The following FER1L5 variants were observed in gnomAD, a reference collection of about 807,000 sequenced individuals.
FER1L5 encodes fer-1 like family member 5.
In FER1L5, 187 loss-of-function variants were observed where a neutral mutation model predicts 279.9. The observed-to-expected ratio is 0.67, with a 90% confidence interval of 0.59 to 0.75. The LOEUF is 0.75. FER1L5 is among the 30% of genes least tolerant of loss of function. The pLI is 0.00. For missense variants in FER1L5, 2,091 were observed against 2,594.4 expected (o/e 0.81, Z 4.21); for synonymous variants, 921 against 989.7 (o/e 0.93, Z 1.30).
At chr2:96,687,987 C>T (rs1409769366) in intron 24 of FER1L5, 40 bp downstream of exon 24, 22 of 1,547,530 alleles carry the variant, frequency 1.4e-5, no homozygotes, top group Middle Eastern at 1.7e-4. Flanking sequence ...GGCAGGCACG[C>T]GGGGGTGGGG....
At position 96,699,104 on chromosome 2, in the gene FER1L5, C is replaced by T. The variant is rs1445714056; in HGVS notation, c.4578C>T (p.Tyr1526=). 1.2e-6 allele frequency: 2 copies of T among 1,611,260 alleles called. No homozygotes were observed. The highest frequency in any genetic ancestry group is 1.7e-6 in the Non-Finnish European group (2 of 1,178,872). ...CAGAGCTTGGCAACCGGGACATGTA[C>T]CAGCCCAACACTCTGGATCCCATCT... ...GKTELGNRDM[Y]QPNTLDPIFG... is the part of the protein sequence containing the mutation. The change falls in exon 42 of 53, where the codon TAC becomes TAT. Residue 1526 remains tyrosine (Y), a synonymous_variant. Coordinates refer to ENST00000624922, the MANE Select transcript of FER1L5 (RefSeq NM_001293083.2).
chr2:96,704,117 A>G (rs1244445842), intron 51 of FER1L5, 98 bp from the exon 52 acceptor site: 1 of 1,428,950 alleles, frequency 7.0e-7, no homozygotes, highest in Non-Finnish European at 9.4e-7. Context: ...TGCCTGGCCC[A>G]GTAGTTGCTT....
rs935650227 is a variant in FER1L5 at position 96,700,156 on chromosome 2, T to G, written c.4930+76T>G. 1.9e-6 allele frequency: 3 copies of G among 1,588,144 alleles called. No individual in the cohort carries two copies. In the African/African-American group the frequency reaches 4.1e-5, roughly 21 times the overall value. On this transcript the variant is annotated intron_variant, in intron 44 of 52. Transcript: ENST00000624922. ...CTGTGAGGCTCCAGAATGGAAGAGCTGCAGACTTGGGGGAGAAAGGGGAGG... is the reference window on the plus strand; with the variant it reads ...CTGTGAGGCTCCAGAATGGAAGAGCGGCAGACTTGGGGGAGAAAGGGGAGG...
intron 24 of FER1L5, chr2:96,688,870 T>G: frequency 4.3e-6 from 1 of 231,420 alleles, no homozygotes; most frequent in Non-Finnish European, 8.4e-6. Flanking sequence ...CTCTGGGCCT[T>G]TTCAACCACA....
At chr2:96,670,288 C>G (rs958355881) in intron 18 of FER1L5, 41 bp downstream of exon 18, 2 of 1,547,974 alleles carry the variant, frequency 1.3e-6, no homozygotes, top group Non-Finnish European at 1.7e-6. Context: ...AAACAAGAGC[C>G]CTGTCTGCCC....
rs1222112069 is a variant in FER1L5, at chr2:96,694,088, G to A, written c.3636+16G>A. 1 of 1,534,978 alleles carries A rather than the reference G, an allele frequency of 6.5e-7. No homozygotes were observed. Among genetic ancestry groups the A allele is most frequent in the Non-Finnish European group, 8.7e-7 (1 of 1,145,062 alleles). Reference sequence around the variant, plus strand: ...CCAGACTGAGGTATTGGGAGAGAGGGCCTGGCTGGGAAGTGTGGCACTCAG... The same window carrying A: ...CCAGACTGAGGTATTGGGAGAGAGGACCTGGCTGGGAAGTGTGGCACTCAG... On this transcript the variant is annotated intron_variant, in intron 33 of 52. Transcript: ENST00000624922. This position sits in a 1 kb window ranked among gnomAD's most constrained non-coding sequence, Gnocchi z 4.6.
Position 96,691,313 on chromosome 2 carries a change from A to T in FER1L5, c.2867A>T (p.Glu956Val). ...WARVRFRNHG[E>V]LSHEQETLSF... The stretch of plus-strand genomic sequence containing the variant: ...CGTGTGCGCTTCAGGAACCATGGGG[A>T]GCTGAGCCACGAGCAGGAGACCCTC... Residue 956 changes from glutamate to valine, a missense_variant, in exon 28 of 53, where the codon GAG becomes GTG. Physicochemically the swap from Glu to Val is moderately radical, Grantham distance 121 (BLOSUM62 -2). Transcript: ENST00000624922. The surrounding 1 kb of genome is among the most constrained non-coding windows in gnomAD (Gnocchi z 6.0). 6.4e-7 allele frequency: 1 copy of T among 1,550,408 alleles called. No individual in the cohort carries two copies. Among genetic ancestry groups the T allele is most frequent in the Non-Finnish European group, 8.7e-7 (1 of 1,146,760 alleles).
chr2:96,699,473 G>A, intron 42 of FER1L5, 77 bp from the exon 43 acceptor site: 1 of 1,496,002 alleles, frequency 6.7e-7, no homozygotes, highest in East Asian at 2.3e-5. Flanking sequence ...GGGCCTACGG[G>A]GCCGAGACAC....
intron 14 of FER1L5, among the ~76,000 whole-genome samples, chr2:96,664,436 C>A (rs570122480): frequency 6.6e-6 from 1 of 152,260 alleles, no homozygotes; most frequent in South Asian, 2.1e-4. Context: ...GAAATGGAAT[C>A]GTTCAGTAAG....
intron 39 of FER1L5, 93 bp downstream of exon 39, chr2:96,697,854 G>A (rs2077441282): frequency 2.0e-6 from 3 of 1,505,306 alleles, no homozygotes; most frequent in Non-Finnish European, 2.7e-6. Flanking sequence ...GCCTCAAGTG[G>A]GAAGGTTCCC....
chr2:96,700,083 G>A lies in FER1L5; in HGVS notation c.4930+3G>A, dbSNP rs375110619. The A allele has an allele frequency of 1.6e-5, 26 of 1,613,612 alleles. No homozygotes were observed. Among genetic ancestry groups the A allele is most frequent in the Non-Finnish European group, 2.1e-5 (25 of 1,179,858 alleles). On this transcript the variant is annotated splice_donor_region_variant and intron_variant, in intron 44 of 52. Coordinates refer to ENST00000624922, the MANE Select transcript of FER1L5 (RefSeq NM_001293083.2). ...AAAGTTCAAGCTGCAAAGCTTTGGT[G>A]AGCAGCGCAGAACACTAGCAGAAAG...
rs1368957147 is a variant in FER1L5 at position 96,693,982 on chromosome 2, G to C, written c.3546G>C (p.Leu1182=). The C allele has an allele frequency of 6.4e-7, 1 of 1,551,412 alleles. No homozygotes were observed. The highest frequency in any genetic ancestry group is 1.4e-5 in the African/African-American group (1 of 73,038). ...MVWLDLQDRI[L]PPMRWHPLVK... ...GGCTGGATCTCCAGGACCGGATCCT[G>C]CCCCCCATGAGGTGGCATCCCCTTG... Residue 1182 remains leucine (L), a synonymous_variant, in exon 33 of 53, where the codon CTG becomes CTC. Coordinates refer to ENST00000624922, the MANE Select transcript of FER1L5 (RefSeq NM_001293083.2).
intron 45 of FER1L5, 138 bp downstream of exon 45, chr2:96,700,609 C>G (rs1356675832): frequency 8.6e-7 from 1 of 1,168,696 alleles, no homozygotes; most frequent in Admixed American, 2.3e-5. Context: ...GCACAGAAGA[C>G]AAGCATGCTG....
chr2:96,685,205 A>G, intron 20 of FER1L5, 124 bp from the exon 21 acceptor site: 1 of 763,046 alleles, frequency 1.3e-6, no homozygotes, highest in Admixed American at 2.5e-5. Context: ...TGATATCACC[A>G]GGTTATCCCT....
At chr2:96,672,992 A>T (rs1279693952) in intron 18 of FER1L5, 85 bp from the exon 19 acceptor site, 1 of 1,455,256 alleles carries the variant, frequency 6.9e-7, no homozygotes, top group African/African-American at 1.4e-5. Flanking sequence ...TGAAAGAAAG[A>T]TACCTCATCC....
intron 19 of FER1L5, among the ~76,000 whole-genome samples, chr2:96,680,961 T>C (rs1422902626): frequency 6.6e-6 from 1 of 152,248 alleles, no homozygotes; most frequent in African/African-American, 2.4e-5. Context: ...ACTGCAGCCT[T>C]GAACTCCTGG....
Position 96,695,422 on chromosome 2 carries a change from T to G in FER1L5, c.3742-87T>G, listed in dbSNP as rs995801290. On this transcript the variant is annotated intron_variant, in intron 34 of 52. Coordinates refer to ENST00000624922, the MANE Select transcript of FER1L5 (RefSeq NM_001293083.2). Reference sequence around the variant, plus strand: ...CCTGCAGGCTCCTGCTGCACCGCTATTGCCCCTCAGCCCCCTTCTCTGGCC... The same window carrying G: ...CCTGCAGGCTCCTGCTGCACCGCTAGTGCCCCTCAGCCCCCTTCTCTGGCC... 6.1e-6 allele frequency: 9 copies of G among 1,471,352 alleles called. No homozygotes were observed. The South Asian group carries it at 6.6e-5, about 11-fold the overall frequency. The allele number at this position is 1,471,352 out of a possible 1,614,324, so 91.1% of individuals were successfully genotyped here.
At chr2:96,683,438 A>G (rs2076804510) in intron 19 of FER1L5, among the ~76,000 whole-genome samples, 1 of 152,006 alleles carries the variant, frequency 6.6e-6, no homozygotes, top group Non-Finnish European at 1.5e-5. Flanking sequence ...TAAGGACCCC[A>G]GTCCTTAAGG....
chr2:96,661,816 G>T (rs919193639), intron 12 of FER1L5, 25 bp downstream of exon 12: 3 of 1,550,892 alleles, frequency 1.9e-6, no homozygotes, highest in Non-Finnish European at 2.6e-6. Context: ...GCAGGGGAGG[G>T]AGCAGCCCTG....
Sources: allele counts gnomAD v4.1 joint callset (sites outside exome capture counted in the v4.1 genomes callset), GRCh38; gene constraint gnomAD v4.1.1; non-coding constraint Gnocchi (gnomAD v3.1); transcripts MANE v1.5; gene names NCBI Gene and HGNC (gene_info 2026-07-23, HGNC 2026-07-21).